CLEC17A: variants seen among roughly 807,000 people sequenced by gnomAD.
CLEC17A encodes C-type lectin domain family 17, member A.
In CLEC17A, 37 loss-of-function variants were observed where a neutral mutation model predicts 61.3. That is an observed-to-expected ratio of 0.60 (90% confidence interval 0.46 to 0.79). The LOEUF (loss-of-function observed/expected upper bound fraction) is 0.79. Ranked by LOEUF, CLEC17A falls within the 30% of genes least tolerant of loss-of-function variation. The pLI is 0.00. For missense variants in CLEC17A, 418 were observed against 464.7 expected (o/e 0.90, Z 0.92); for synonymous variants, 168 against 164.9 (o/e 1.02, Z -0.14).
intron 4 of CLEC17A, among the ~76,000 whole-genome samples, chr19:14,593,023 C>T (rs1013371535): frequency 6.6e-6 from 1 of 151,966 alleles, no homozygotes; most frequent in Admixed American, 6.6e-5. Context: ...GCAAAGTCCC[C>T]GAGTCATAAA....
chr19:14,587,797 G>A, intron 3 of CLEC17A, 106 bp downstream of exon 3: 4 of 1,550,228 alleles, frequency 2.6e-6, no homozygotes, highest in Non-Finnish European at 3.5e-6. Context: ...TCTCTACACA[G>A]CCCATGCCGG....
chr19:14,595,346 T>A (rs1214730178), intron 8 of CLEC17A, 31 bp downstream of exon 8: 26 of 1,612,272 alleles, frequency 1.6e-5, no homozygotes, highest in Non-Finnish European at 2.1e-5. Context: ...CCTCTGACAG[T>A]GGCTAGTGTA....
In CLEC17A at chr19:14,583,348, C is replaced by T; in HGVS notation, c.44-9C>T. On this transcript the variant is annotated splice_polypyrimidine_tract_variant and intron_variant, in intron 1 of 13. Coordinates refer to ENST00000417570, the MANE Select transcript of CLEC17A (RefSeq NM_001204118.2). ...ATGGCTGGGCTCTGACTTGCCTTTC[C>T]CCTGGAAGGGACCATGGAGGAGGAG... is the stretch of plus-strand genomic sequence containing the variant. 1 of 1,608,856 alleles carries T rather than the reference C, an allele frequency of 6.2e-7. No individual in the cohort carries two copies. The highest frequency in any genetic ancestry group is 8.5e-7 in the Non-Finnish European group (1 of 1,177,814).
At chr19:14,609,843 C>G (rs2075003752) in intron 13 of CLEC17A, among the ~76,000 whole-genome samples, 1 of 147,760 alleles carries the variant, frequency 6.8e-6, no homozygotes, top group African/African-American at 2.5e-5. Flanking sequence ...GTCTCCAAAA[C>G]AAAACAAAAC....
At chr19:14,602,539 C>G (rs191811492) in intron 12 of CLEC17A, among the ~76,000 whole-genome samples, 2 of 150,992 alleles carry the variant, frequency 1.3e-5, no homozygotes, top group Non-Finnish European at 3.0e-5. Context: ...AGTGATCTGC[C>G]GCCTTCACCT....
chr19:14,583,852 C>T (rs1377876267), intron 2 of CLEC17A, among the ~76,000 whole-genome samples: 22 of 152,022 alleles, frequency 1.4e-4, no homozygotes, highest in Admixed American at 1.3e-3. Flanking sequence ...ACCTTTCTAC[C>T]CAAAGCCCAG....
rs1206920486 is a variant in CLEC17A, at chr19:14,587,685, A to G, written c.193A>G (p.Lys65Glu). ...ACCTCCCTACAAGGACCTTCCTCCC[A>G]AGCCAGGTAAGAGGACTTTTTGGAG... ...STPPYKDLPP[K>E]PGTMEEEEED... Residue 65 changes from lysine to glutamate, a missense_variant, in exon 3 of 14, where the codon AAG becomes GAG. Coordinates refer to ENST00000417570, the MANE Select transcript of CLEC17A (RefSeq NM_001204118.2). 1.2e-6 allele frequency: 2 copies of G among 1,607,860 alleles called. No homozygotes were observed. The highest frequency in any genetic ancestry group is 2.2e-5 in the South Asian group (2 of 90,040).
rs759088253 is a variant in CLEC17A, at chr19:14,594,615, C to T, written c.311-17C>T. ...TTGCCCTGCTCTGGCCCTGACCAACCATTCCTCCCTCCTCAGCAAAGGAAA... is the reference window on the plus strand; with the variant it reads ...TTGCCCTGCTCTGGCCCTGACCAACTATTCCTCCCTCCTCAGCAAAGGAAA... On this transcript the variant is annotated splice_polypyrimidine_tract_variant and intron_variant, in intron 5 of 13. Transcript: ENST00000417570. 1 of 1,613,772 alleles carries T rather than the reference C, an allele frequency of 6.2e-7. No homozygotes were observed. The highest frequency in any genetic ancestry group is 8.5e-7 in the Non-Finnish European group (1 of 1,179,868).
Position 14,583,462 on chromosome 19 carries a change from G to A in CLEC17A, c.121+28G>A, listed in dbSNP as rs759219968. 17 of 1,611,686 alleles carry A rather than the reference G, an allele frequency of 1.1e-5. No individual in the cohort carries two copies. The African/African-American group carries it at 2.1e-4, about 20-fold the overall frequency. ...AAGAGGACTTTTTGGAGTGTGACCT[G>A]GGGGAATACAGGGAATGGGGTCTCC... On this transcript the variant is annotated intron_variant, in intron 2 of 13. Coordinates refer to ENST00000417570, the MANE Select transcript of CLEC17A (RefSeq NM_001204118.2).
chr19:14,610,253 C>T lies in CLEC17A; in HGVS notation c.*57C>T, dbSNP rs2075016118. ...GAGTGTCTCTTTGAGATGAGAATCT[C>T]CTGCCCTTTCGTGGACGGCCTTGCC... On this transcript the variant is annotated 3_prime_UTR_variant, in exon 14 of 14. Transcript: ENST00000417570. 3 of 1,539,056 alleles carry T rather than the reference C, an allele frequency of 1.9e-6. No individual in the cohort carries two copies. The highest frequency in any genetic ancestry group is 2.6e-6 in the Non-Finnish European group (3 of 1,145,422).
intron 12 of CLEC17A, among the ~76,000 whole-genome samples, chr19:14,604,352 CTTTACCTCCCCACA>C (rs1264938613): frequency 1.3e-5 from 2 of 152,178 alleles, no homozygotes; most frequent in East Asian, 3.8e-4. Context: ...CCCATGGTGA[CTTTACCTCCCCACA>C]TTTTTTTTTC....
In CLEC17A at chr19:14,611,364, T is replaced by C. The variant is rs1399733522; in HGVS notation, c.*1168T>C. ...TGCCAGAAGACTTGGCCCGTGGAAC[T>C]TCTATCCTTTTTTTTTTTTTTTTTT... is the stretch of plus-strand genomic sequence containing the variant. On this transcript the variant is annotated 3_prime_UTR_variant, in exon 14 of 14. Transcript: ENST00000417570. Among the ~76,000 whole-genome samples the C allele has an allele frequency of 2.1e-5, 3 of 144,478 alleles. No individual in the cohort carries two copies. The Admixed American group carries it at 2.3e-4, about 11-fold the overall frequency. The allele number at this position is 144,478 out of a possible 152,430, so 94.8% of individuals were successfully genotyped here.
intron 12 of CLEC17A, among the ~76,000 whole-genome samples, chr19:14,604,580 T>G (rs1263573022): frequency 3.3e-5 from 5 of 152,014 alleles, no homozygotes; most frequent in Non-Finnish European, 7.4e-5. Context: ...CTGGCCAACA[T>G]GGTGAAACCC....
intron 4 of CLEC17A, among the ~76,000 whole-genome samples, chr19:14,594,085 C>G (rs979271017): frequency 9.9e-5 from 15 of 152,034 alleles, no homozygotes; most frequent in African/African-American, 3.4e-4. Flanking sequence ...GAGTTCGAGA[C>G]CAGCCTGGCC....
chr19:14,601,060 G>A (rs577754537), intron 12 of CLEC17A, among the ~76,000 whole-genome samples: 42 of 151,874 alleles, frequency 2.8e-4, no homozygotes, highest in East Asian at 2.3e-3. Context: ...GTGCCACCAC[G>A]CCTGGCTAAC....
chr19:14,600,937 CTG>C (rs1166709000), intron 12 of CLEC17A, among the ~76,000 whole-genome samples: 1 of 108,854 alleles, frequency 9.2e-6, no homozygotes, highest in African/African-American at 3.5e-5. Flanking sequence ...GAGTCTCACT[CTG>C]TCACCCAGGC....
chr19:14,582,030 T>A (rs552998529), upstream of CLEC17A, among the ~76,000 whole-genome samples: 1 of 152,340 alleles, frequency 6.6e-6, no homozygotes, highest in East Asian at 1.9e-4. Context: ...GGCTGGGCCA[T>A]GCTTCTTTAA....
At chr19:14,585,867 T>TGC (rs2074268323) in intron 2 of CLEC17A, among the ~76,000 whole-genome samples, 1 of 147,812 alleles carries the variant, frequency 6.8e-6, no homozygotes, top group African/African-American at 2.5e-5. Context: ...TTTAAGTCAC[T>TGC]GCGTTTTGGG....
In CLEC17A at chr19:14,611,472, G is replaced by A. The variant is rs563611315; in HGVS notation, c.*1276G>A. On this transcript the variant is annotated 3_prime_UTR_variant, in exon 14 of 14. Transcript: ENST00000417570. ...AGCTTACTGCACCCTCTGCCTCCTG[G>A]GCTCGAGTGATCCTCCTGCCTCAGC... Among the ~76,000 whole-genome samples the A allele has an allele frequency of 4.0e-5, 6 of 150,318 alleles. No homozygotes were observed. In the East Asian group the frequency reaches 1.2e-3, roughly 30 times the overall value.
Sources: allele counts gnomAD v4.1 joint callset (sites outside exome capture counted in the v4.1 genomes callset), GRCh38; gene constraint gnomAD v4.1.1; transcripts MANE v1.5; gene names NCBI Gene and HGNC (gene_info 2026-07-23, HGNC 2026-07-21).